Variants in SIN3A observed in about 807,000 individuals in gnomAD.
SIN3A encodes SIN3 transcription regulator family member A.
A neutral mutation model predicts 146.1 loss-of-function variants in SIN3A; 14 were observed. The ratio of observed to expected loss-of-function variants is 0.10; its 90% CI spans 0.06 to 0.15. SIN3A has a LOEUF of 0.15. Ranked by LOEUF, SIN3A falls within the 10% of genes least tolerant of loss-of-function variation. The probability of loss-of-function intolerance (pLI) is 1.00; values close to 1 mark genes in which losing one functional copy is unlikely to be tolerated. For synonymous variants in SIN3A, 572 were observed against 572.0 expected (o/e 1.00, Z 0.00); for missense variants, 1,028 against 1,576.0 (o/e 0.65, Z 5.89).
intron 20 of SIN3A, among the ~76,000 whole-genome samples, chr15:75,373,034 C>G (rs941765812): frequency 3.3e-5 from 5 of 152,148 alleles, no homozygotes; most frequent in Admixed American, 6.6e-5. Flanking sequence ...TGTGTTACCC[C>G]ACCCTGGGAA....
chr15:75,405,624 G>A (rs568997773), intron 9 of SIN3A, among the ~76,000 whole-genome samples: 6 of 152,112 alleles, frequency 3.9e-5, no homozygotes, highest in Admixed American at 6.6e-5. Context: ...GGTAGTAGGC[G>A]CCTGTAGTCC....
chr15:75,425,334 C>G (rs983260731), intron 2 of SIN3A, among the ~76,000 whole-genome samples: 1 of 152,170 alleles, frequency 6.6e-6, no homozygotes, highest in Middle Eastern at 3.2e-3. Flanking sequence ...CCATGCCCAG[C>G]TAATTTTTGT....
chr15:75,410,975 CA>C lies in SIN3A; in HGVS notation c.1008+516del, dbSNP rs36019521. On this transcript the variant is annotated intron_variant, in intron 6 of 20. Transcript: ENST00000394947. ...AGGCAAAAAGAGCAAAACTCTGTCTCAAAAAAAAAAAAAAAAATCCTGACTG... is the reference window on the plus strand; with the variant it reads ...AGGCAAAAAGAGCAAAACTCTGTCTCAAAAAAAAAAAAAAAATCCTGACTG... Among the ~76,000 whole-genome samples the C allele has an allele frequency of 2.3e-3, 296 of 127,648 alleles. 1 individual carries two copies. The highest frequency in any genetic ancestry group is 5.9e-3 in the South Asian group (23 of 3,882). The allele number at this position is 127,648 out of a possible 152,430, so 83.7% of individuals were successfully genotyped here.
chr15:75,421,293 A>AAC (rs1277233313), intron 3 of SIN3A: 2 of 152,220 alleles, frequency 1.3e-5, no homozygotes, highest in Non-Finnish European at 2.9e-5. Flanking sequence ...AACAGACTGA[A>AAC]AATGTTTTAA....
intron 1 of SIN3A, among the ~76,000 whole-genome samples, chr15:75,444,250 G>A (rs2074266256): frequency 6.6e-6 from 1 of 152,096 alleles, no homozygotes; most frequent in Non-Finnish European, 1.5e-5. Context: ...AGGCCAGCCT[G>A]GCCAATATGG....
chr15:75,431,371 G>A (rs530001723), intron 1 of SIN3A, among the ~76,000 whole-genome samples: 14 of 152,188 alleles, frequency 9.2e-5, no homozygotes, highest in South Asian at 6.2e-4. Context: ...TAATACCTCC[G>A]TGGGAGACAA....
Position 75,370,411 on chromosome 15 carries a change from A to C in SIN3A, c.*1568T>G, listed in dbSNP as rs2072723668. The C allele has an allele frequency of 1.3e-5, 2 of 152,224 alleles. No homozygotes were observed. The highest frequency in any genetic ancestry group is 4.8e-5 in the African/African-American group (2 of 41,462). 9.4% of individuals were successfully genotyped at this position (152,224 alleles called of 1,614,324 possible). On this transcript the variant is annotated 3_prime_UTR_variant, in exon 21 of 21. Transcript: ENST00000394947. Reference sequence around the variant, plus strand: ...AGACTTGCGTAATGGTTGCTGAAGAAAAATCCACCAGAGTACTGGGAGGGG... The same window carrying C: ...AGACTTGCGTAATGGTTGCTGAAGACAAATCCACCAGAGTACTGGGAGGGG...
At chr15:75,405,705 T>C (rs976968084) in intron 9 of SIN3A, among the ~76,000 whole-genome samples, 6 of 152,058 alleles carry the variant, frequency 3.9e-5, no homozygotes, top group Non-Finnish European at 7.4e-5. Flanking sequence ...GAGCCAAGAT[T>C]GCGCCATTGC....
chr15:75,414,394 C>G, intron 3 of SIN3A, 83 bp from the exon 4 acceptor site: 1 of 605,728 alleles, frequency 1.7e-6, no homozygotes, highest in Non-Finnish European at 2.6e-6. Flanking sequence ...ATTATTTATG[C>G]CTAAGTATGC....
At chr15:75,455,059 C>G (rs1288826827), upstream of SIN3A, 3 of 151,324 alleles carry the variant, frequency 2.0e-5, no homozygotes, top group Non-Finnish European at 4.4e-5. Flanking sequence ...GCCGCCCCTC[C>G]CGCAAGTCCG....
At position 75,396,314 on chromosome 15, in the gene SIN3A, G is replaced by A; in HGVS notation, c.2037C>T (p.Asp679=). ...LQRIYADKAA[D]IIDGLRKNPS... ...GATTCTTTCTCAGACCATCAATGAT[G>A]TCAGCTGCTTTATCAGCATATATCC... The change falls in exon 13 of 21, where the codon GAC becomes GAT. Residue 679 remains aspartate (D), a synonymous_variant. Transcript: ENST00000394947. 2 of 1,614,178 alleles carry A rather than the reference G, an allele frequency of 1.2e-6. No individual in the cohort carries two copies. Among genetic ancestry groups the A allele is most frequent in the South Asian group, 2.2e-5 (2 of 91,090 alleles).
At chr15:75,393,535 C>T (rs2073248449) in intron 14 of SIN3A, among the ~76,000 whole-genome samples, 2 of 152,106 alleles carry the variant, frequency 1.3e-5, no homozygotes, top group South Asian at 4.1e-4. Flanking sequence ...ACCACCATGC[C>T]AGGCTAATTT....
intron 1 of SIN3A, among the ~76,000 whole-genome samples, chr15:75,447,414 C>T (rs955011484): frequency 2.0e-5 from 3 of 152,138 alleles, no homozygotes; most frequent in Admixed American, 6.5e-5. Flanking sequence ...GAGGAGACAT[C>T]GAGTGGAGAC....
chr15:75,450,884 G>A (rs576318367), intron 1 of SIN3A, among the ~76,000 whole-genome samples: 1 of 152,014 alleles, frequency 6.6e-6, no homozygotes, highest in Non-Finnish European at 1.5e-5. Flanking sequence ...GCGGGGTGCA[G>A]GGGGGGACGG....
intron 8 of SIN3A, among the ~76,000 whole-genome samples, chr15:75,408,735 T>C (rs549332595): frequency 6.6e-6 from 1 of 152,318 alleles, no homozygotes; most frequent in South Asian, 2.1e-4. Flanking sequence ...ATTAAGATGA[T>C]ACACATAAGA....
chr15:75,406,603 C>T (rs1189679245), intron 9 of SIN3A, among the ~76,000 whole-genome samples: 1 of 152,118 alleles, frequency 6.6e-6, no homozygotes, highest in Non-Finnish European at 1.5e-5. Flanking sequence ...AGGAGAATGG[C>T]GTGAACCCCA....
intron 13 of SIN3A, among the ~76,000 whole-genome samples, chr15:75,395,246 G>A (rs1020429973): frequency 8.5e-5 from 13 of 152,194 alleles, no homozygotes; most frequent in Non-Finnish European, 1.8e-4. Context: ...AAGAGAACTT[G>A]CACAGTTATG....
At chr15:75,397,126 G>A (rs2073319590) in intron 12 of SIN3A, among the ~76,000 whole-genome samples, 1 of 152,082 alleles carries the variant, frequency 6.6e-6, no homozygotes, top group Non-Finnish European at 1.5e-5. Context: ...TTGGACTCCT[G>A]GCAACCTTTG....
intron 12 of SIN3A, among the ~76,000 whole-genome samples, chr15:75,399,400 C>T (rs1263282036): frequency 2.6e-5 from 4 of 151,894 alleles, no homozygotes; most frequent in African/African-American, 7.3e-5. Context: ...TGTTGGCGGG[C>T]GCCTGTAGTC....
Sources: gnomAD v4.1 joint callset for allele counts (sites outside exome capture counted in the v4.1 genomes callset) on GRCh38, gnomAD v4.1.1 for gene constraint, MANE v1.5 for transcripts, NCBI Gene and HGNC (gene_info 2026-07-23, HGNC 2026-07-21) for gene names.